The following PLPP1 variants were observed in gnomAD, a reference collection of about 807,000 sequenced individuals.
PLPP1 encodes the protein lipid phosphate phosphohydrolase 1a.
PLPP1 carries 24 observed loss-of-function variants against 31.2 expected under a neutral mutation model. The ratio of observed to expected loss-of-function variants is 0.77; its 90% CI spans 0.56 to 1.08. The LOEUF is 1.08. Ranked by LOEUF, PLPP1 falls within the 50% of genes least tolerant of loss-of-function variation. The pLI, the probability that PLPP1 is intolerant of heterozygous loss-of-function variation, is 0.00. For missense variants in PLPP1, 319 were observed against 342.7 expected (o/e 0.93, Z 0.55); for synonymous variants, 146 against 126.3 (o/e 1.16, Z -1.05).
chr5:55,435,537 G>A (rs779821719), intron 4 of PLPP1, among the ~76,000 whole-genome samples: 1 of 152,180 alleles, frequency 6.6e-6, no homozygotes, highest in Non-Finnish European at 1.5e-5. Context: ...CAAATTTGGA[G>A]GCTATCCTGA....
At chr5:55,525,706 C>G (rs905416341) in intron 1 of PLPP1, among the ~76,000 whole-genome samples, 1 of 151,902 alleles carries the variant, frequency 6.6e-6, no homozygotes, top group Admixed American at 6.6e-5. Flanking sequence ...TAAACCTAAA[C>G]AGCAAGAAGA....
At chr5:55,476,437 A>G (rs1752553243) in intron 1 of PLPP1, among the ~76,000 whole-genome samples, 1 of 152,116 alleles carries the variant, frequency 6.6e-6, no homozygotes, top group Non-Finnish European at 1.5e-5. Flanking sequence ...CACCTCCTAA[A>G]ACGCCAAATT....
chr5:55,431,285 A>T (rs2111670177), intron 4 of PLPP1, among the ~76,000 whole-genome samples: 1 of 152,360 alleles, frequency 6.6e-6, no homozygotes, highest in Non-Finnish European at 1.5e-5. Context: ...AGAATAAAAC[A>T]GCAAGAGAAA....
intron 1 of PLPP1, among the ~76,000 whole-genome samples, chr5:55,491,811 T>C (rs1304766437): frequency 7.1e-6 from 1 of 140,312 alleles, no homozygotes. Context: ...TGAGTCAAGA[T>C]TGTGCCACTG....
chr5:55,483,597 A>G (rs10075313), intron 1 of PLPP1, among the ~76,000 whole-genome samples: 129,023 of 150,314 alleles, frequency 0.86, 55,572 homozygotes, highest in South Asian at 0.92. Flanking sequence ...GCTTAAACCC[A>G]GGAGGCAGAG....
intron 1 of PLPP1, among the ~76,000 whole-genome samples, chr5:55,495,731 T>C (rs764550318): frequency 6.6e-6 from 1 of 151,572 alleles, no homozygotes; most frequent in Non-Finnish European, 1.5e-5. Flanking sequence ...ATTGTTCATA[T>C]GTATTACACA....
At chr5:55,455,466 ACCAACAGCACCTATAGGTG>A (rs1430711692) in intron 3 of PLPP1, among the ~76,000 whole-genome samples, 2 of 152,038 alleles carry the variant, frequency 1.3e-5, no homozygotes. Context: ...TGGTGGCTAC[ACCAACAGCACCTATAGGTG>A]CCAACAAGCA....
At chr5:55,454,463 T>C (rs1751962934) in intron 3 of PLPP1, among the ~76,000 whole-genome samples, 1 of 152,230 alleles carries the variant, frequency 6.6e-6, no homozygotes, top group African/African-American at 2.4e-5. Flanking sequence ...AATAGGTTAC[T>C]GGTCAGTAAA....
At position 55,459,718 on chromosome 5, in the gene PLPP1, C is replaced by A. The variant is rs561459580; in HGVS notation, c.491+8151G>T. ...AGGGAAATTAGAAAGTATTGTTAGC[C>A]CTTGAACAACTCAGGTTTGAACTGT... is the stretch of plus-strand genomic sequence containing the variant. On this transcript the variant is annotated intron_variant, in intron 3 of 5. Coordinates refer to ENST00000307259, the MANE Select transcript of PLPP1 (RefSeq NM_003711.4). Among the ~76,000 whole-genome samples the A allele has an allele frequency of 5.9e-5, 9 of 152,112 alleles. No homozygotes were observed. The East Asian group carries it at 1.5e-3, about 26-fold the overall frequency.
At chr5:55,508,336 G>A (rs1270102535) in intron 1 of PLPP1, among the ~76,000 whole-genome samples, 2 of 152,226 alleles carry the variant, frequency 1.3e-5, no homozygotes, top group Non-Finnish European at 2.9e-5. Flanking sequence ...ATAAGACACT[G>A]TGGGCACCTC....
chr5:55,459,079 A>T (rs1278759632), intron 3 of PLPP1, among the ~76,000 whole-genome samples: 1 of 151,934 alleles, frequency 6.6e-6, no homozygotes, highest in Non-Finnish European at 1.5e-5. Context: ...GAATAAGCTA[A>T]AAGTTTTACT....
In PLPP1 at chr5:55,499,830, C is replaced by T. The variant is rs900251516; in HGVS notation, c.59-24380G>A. ...TATATACCTGAAATATAAATATATTCTTATAGGAATACCATAAAAGAATAT... is the reference window on the plus strand; with the variant it reads ...TATATACCTGAAATATAAATATATTTTTATAGGAATACCATAAAAGAATAT... On this transcript the variant is annotated intron_variant, in intron 1 of 5. Coordinates refer to ENST00000307259, the MANE Select transcript of PLPP1 (RefSeq NM_003711.4). Among the ~76,000 whole-genome samples the T allele has an allele frequency of 2.6e-5, 4 of 151,696 alleles. 1 individual carries two copies. The South Asian group carries it at 8.3e-4, about 31-fold the overall frequency.
At chr5:55,490,846 A>G in intron 1 of PLPP1, 1 of 1,166,440 alleles carries the variant, frequency 8.6e-7, no homozygotes, top group Non-Finnish European at 1.2e-6. Flanking sequence ...GCAATCATTC[A>G]CCATATCAAC....
intron 1 of PLPP1, among the ~76,000 whole-genome samples, chr5:55,504,518 C>T (rs1208228531): frequency 2.8e-5 from 2 of 71,654 alleles, no homozygotes; most frequent in African/African-American, 1.2e-4. Flanking sequence ...GAGCAAGACT[C>T]CATCTCAAAA....
At chr5:55,458,089 C>T (rs1752061657) in intron 3 of PLPP1, among the ~76,000 whole-genome samples, 1 of 152,110 alleles carries the variant, frequency 6.6e-6, no homozygotes, top group Admixed American at 6.6e-5. Flanking sequence ...AGAGAATCAA[C>T]ACCCTGATAC....
intron 2 of PLPP1, among the ~76,000 whole-genome samples, chr5:55,473,847 G>A (rs1329042348): frequency 6.6e-6 from 1 of 151,950 alleles, no homozygotes; most frequent in Admixed American, 6.6e-5. Context: ...GGAGGGGGAT[G>A]GATATAGGCA....
At chr5:55,463,780 CATAA>C (rs58202815) in intron 3 of PLPP1, among the ~76,000 whole-genome samples, 33,632 of 130,980 alleles carry the variant, frequency 0.26, 4,447 homozygotes, top group East Asian at 0.37. Flanking sequence ...GACCCTGTCC[CATAA>C]ATAAATAAAT....
intron 1 of PLPP1, among the ~76,000 whole-genome samples, chr5:55,514,578 G>C (rs1474877034): frequency 6.6e-6 from 1 of 152,158 alleles, no homozygotes; most frequent in Non-Finnish European, 1.5e-5. Flanking sequence ...TTATACTAAG[G>C]TGTGTCTCAG....
intron 1 of PLPP1, among the ~76,000 whole-genome samples, chr5:55,493,343 T>C (rs944866400): frequency 2.8e-4 from 42 of 151,250 alleles, no homozygotes; most frequent in African/African-American, 9.7e-4. Flanking sequence ...AAGAAAAAAC[T>C]GAAAGTTAAT....
Sources: gnomAD v4.1 joint callset for allele counts (sites outside exome capture counted in the v4.1 genomes callset) on GRCh38, gnomAD v4.1.1 for gene constraint, MANE v1.5 for transcripts, NCBI Gene and HGNC (gene_info 2026-07-23, HGNC 2026-07-21) for gene names.